CNTNAP2: variants seen among roughly 807,000 people sequenced by gnomAD.
CNTNAP2 encodes the protein contactin-associated protein-like 2.
In CNTNAP2, 98 loss-of-function variants were observed where a neutral mutation model predicts 155.2. The ratio of observed to expected loss-of-function variants is 0.63; its 90% CI spans 0.54 to 0.75. CNTNAP2 has a LOEUF of 0.75. CNTNAP2 is among the 30% of genes least tolerant of loss of function. The probability of loss-of-function intolerance (pLI) is 0.00; values close to 1 mark genes in which losing one functional copy is unlikely to be tolerated. For synonymous variants in CNTNAP2, 651 were observed against 631.2 expected (o/e 1.03, Z -0.47); for missense variants, 1,727 against 1,688.1 (o/e 1.02, Z -0.40).
chr7:147,562,973 C>G (rs570811769), intron 12 of CNTNAP2, among the ~76,000 whole-genome samples: 1 of 152,256 alleles, frequency 6.6e-6, no homozygotes, highest in South Asian at 2.1e-4. Flanking sequence ...TTGATGTGAA[C>G]TCCTGGGCAT....
At position 146,940,403 on chromosome 7, in the gene CNTNAP2, CCAGGATGT is replaced by C. The variant is rs534920051; in HGVS notation, c.402+100501_402+100508del. On this transcript the variant is annotated intron_variant, in intron 3 of 23. Coordinates refer to ENST00000361727, the MANE Select transcript of CNTNAP2 (RefSeq NM_014141.6). Reference sequence around the variant, plus strand: ...GTAGAGACGGGTTTCACCTTGTTGTCCAGGATGTCTTGATCTCCTGACCTCGTGATCTG... The same window carrying C: ...GTAGAGACGGGTTTCACCTTGTTGTCCTTGATCTCCTGACCTCGTGATCTG... Among the ~76,000 whole-genome samples the C allele has an allele frequency of 9.9e-4, 150 of 151,966 alleles. 1 individual carries two copies. Among genetic ancestry groups the C allele is most frequent in the African/African-American group, 3.4e-3 (139 of 41,434 alleles).
intron 13 of CNTNAP2, among the ~76,000 whole-genome samples, chr7:147,678,876 G>A (rs1795908352): frequency 6.6e-6 from 1 of 151,852 alleles, no homozygotes; most frequent in Non-Finnish European, 1.5e-5. Context: ...AATTAGAGAT[G>A]TGTTGAATGA....
At chr7:148,267,393 G>A (rs944804113) in intron 21 of CNTNAP2, among the ~76,000 whole-genome samples, 10 of 152,026 alleles carry the variant, frequency 6.6e-5, no homozygotes, top group Admixed American at 4.6e-4. Flanking sequence ...GGTGGGTCAC[G>A]CCTGTAATCC....
intron 12 of CNTNAP2, among the ~76,000 whole-genome samples, chr7:147,614,842 T>C (rs1801251685): frequency 6.6e-6 from 1 of 151,846 alleles, no homozygotes; most frequent in Admixed American, 6.6e-5. Context: ...GAAATTATTC[T>C]TTATTATTTC....
chr7:148,166,684 AC>A lies in CNTNAP2; in HGVS notation c.2774-5555del, dbSNP rs139110655. Among the ~76,000 whole-genome samples the A allele has an allele frequency of 5.8e-4, 88 of 152,268 alleles. 1 individual carries two copies. The East Asian group carries it at 0.016, about 28-fold the overall frequency. On this transcript the variant is annotated intron_variant, in intron 17 of 23. Coordinates refer to ENST00000361727, the MANE Select transcript of CNTNAP2 (RefSeq NM_014141.6). ...CAAGAAAAAATGATTTACAAATTAA[AC>A]CCACATCTCACCTTGGATAATTATC... is the stretch of plus-strand genomic sequence containing the variant.
chr7:147,839,527 AT>A (rs1798691460), intron 13 of CNTNAP2, among the ~76,000 whole-genome samples: 1 of 152,132 alleles, frequency 6.6e-6, no homozygotes, highest in South Asian at 2.1e-4. Context: ...AAAGAAAGCC[AT>A]GAAGGTTGTT....
intron 1 of CNTNAP2, among the ~76,000 whole-genome samples, chr7:146,707,152 A>T (rs1254244029): frequency 6.6e-6 from 1 of 152,150 alleles, no homozygotes; most frequent in Non-Finnish European, 1.5e-5. Context: ...CTGGGTGGCC[A>T]TTGCTGCTTT....
At position 147,516,618 on chromosome 7, in the gene CNTNAP2, A is replaced by ATGTGTG. The variant is rs10681580; in HGVS notation, c.1777+30599_1777+30604dup. ...TGTGTATGAGACAGAGAGAGAGAGA[A>ATGTGTG]TGTGTGTGTGTGTGTGTGTGTGTGT... On this transcript the variant is annotated intron_variant, in intron 11 of 23. Coordinates refer to ENST00000361727, the MANE Select transcript of CNTNAP2 (RefSeq NM_014141.6). 1.8e-3 allele frequency among the ~76,000 whole-genome samples: 267 copies of ATGTGTG among 149,934 alleles called. 4 individuals are homozygous for ATGTGTG. Among genetic ancestry groups the ATGTGTG allele is most frequent in the African/African-American group, 5.9e-3 (242 of 40,980 alleles).
intron 15 of CNTNAP2, among the ~76,000 whole-genome samples, chr7:148,030,669 CT>C (rs34338936): frequency 0.14 from 17,882 of 129,346 alleles, 2,557 homozygotes; most frequent in African/African-American, 0.4. Flanking sequence ...TTATCCAGCT[CT>C]TTTTTTTTTT....
rs1186277979 is a variant in CNTNAP2, at chr7:147,639,107, G to A, written c.1899G>A (p.Glu633=). ...TCCTGGTTGTTTTTCTCCCCACAGAGGACAAAGTGTGGACCATAGTGTCTC... is the reference window on the plus strand; with the variant it reads ...TCCTGGTTGTTTTTCTCCCCACAGAAGACAAAGTGTGGACCATAGTGTCTC... ...GPLKVYCNMT[E]DKVWTIVSHD... The change falls in exon 13 of 24, where the codon GAG becomes GAA. Residue 633 remains glutamate (E), a splice_region_variant and synonymous_variant. Coordinates refer to ENST00000361727, the MANE Select transcript of CNTNAP2 (RefSeq NM_014141.6). 1.2e-6 allele frequency: 2 copies of A among 1,614,040 alleles called. No homozygotes were observed. The highest frequency in any genetic ancestry group is 4.5e-5 in the East Asian group (2 of 44,868).
At chr7:146,842,992 C>T (rs1325343458) in intron 3 of CNTNAP2, among the ~76,000 whole-genome samples, 66 of 50,108 alleles carry the variant, frequency 1.3e-3, no homozygotes, top group Non-Finnish European at 8.1e-4. Flanking sequence ...GCCTGTCCCA[C>T]ACTTTTTTTT....
At chr7:148,003,960 T>G in intron 15 of CNTNAP2, among the ~76,000 whole-genome samples, 1 of 152,340 alleles carries the variant, frequency 6.6e-6, no homozygotes, top group South Asian at 2.1e-4. Flanking sequence ...AAAATATCTA[T>G]TACAACTCTA....
At chr7:146,204,734 C>T (rs1260271813) in intron 1 of CNTNAP2, among the ~76,000 whole-genome samples, 3 of 151,954 alleles carry the variant, frequency 2.0e-5, no homozygotes, top group African/African-American at 7.2e-5. Context: ...AATATCAGCT[C>T]ATAATTTTGT....
At chr7:147,527,053 TTCTC>T (rs1450501560) in intron 11 of CNTNAP2, among the ~76,000 whole-genome samples, 1 of 144,598 alleles carries the variant, frequency 6.9e-6, no homozygotes, top group Non-Finnish European at 1.5e-5. Context: ...GATGGAGTCT[TTCTC>T]TGTCACCTGG....
chr7:147,627,982 T>C (rs1027243897), intron 12 of CNTNAP2, among the ~76,000 whole-genome samples: 1 of 150,358 alleles, frequency 6.7e-6, no homozygotes, highest in African/African-American at 2.4e-5. Context: ...AAATTTGGGA[T>C]TATGTTAAAT....
In CNTNAP2 at chr7:147,098,004, A is replaced by G. The variant is rs76531311; in HGVS notation, c.551-10143A>G. 3.9e-3 allele frequency among the ~76,000 whole-genome samples: 598 copies of G among 152,320 alleles called. 36 individuals are homozygous for G. The East Asian group carries it at 0.1, about 26-fold the overall frequency. ...CCCTAACTGCTTTGAAATTCTGTGT[A>G]GTGATAATGCATCATCTGAATGCTT... On this transcript the variant is annotated intron_variant, in intron 4 of 23. Coordinates refer to ENST00000361727, the MANE Select transcript of CNTNAP2 (RefSeq NM_014141.6).
chr7:147,573,774 T>C (rs557874022), intron 12 of CNTNAP2, among the ~76,000 whole-genome samples: 1 of 152,314 alleles, frequency 6.6e-6, no homozygotes, highest in East Asian at 1.9e-4. Flanking sequence ...TGTCTGTGTT[T>C]ATTTATCCAA....
At chr7:147,772,491 C>CAAAAAA (rs1193910514) in intron 13 of CNTNAP2, among the ~76,000 whole-genome samples, 12 of 105,678 alleles carry the variant, frequency 1.1e-4, no homozygotes, top group African/African-American at 4.2e-4. Context: ...TATACACACA[C>CAAAAAA]AAAAAAAAAA....
chr7:146,337,794 A>C (rs570963075), intron 1 of CNTNAP2, among the ~76,000 whole-genome samples: 3 of 152,238 alleles, frequency 2.0e-5, no homozygotes, highest in South Asian at 4.1e-4. Flanking sequence ...TTTATTCATT[A>C]GTCTATGTAC....
Sources: gnomAD v4.1 joint callset for allele counts (sites outside exome capture counted in the v4.1 genomes callset) on GRCh38, gnomAD v4.1.1 for gene constraint, MANE v1.5 for transcripts, NCBI Gene and HGNC (gene_info 2026-07-23, HGNC 2026-07-21) for gene names.